FGFR2: variants seen among roughly 807,000 people sequenced by gnomAD.
The protein encoded by FGFR2 is BEK fibroblast growth factor receptor.
FGFR2 carries 19 observed loss-of-function variants against 95.9 expected under a neutral mutation model. The ratio of observed to expected loss-of-function variants is 0.20; its 90% CI spans 0.14 to 0.29. The LOEUF (loss-of-function observed/expected upper bound fraction) is 0.29. Among genes scored for constraint, FGFR2 ranks in the 10% least tolerant of loss-of-function variants. The pLI is 1.00. For synonymous variants in FGFR2, 392 were observed against 393.3 expected (o/e 1.00, Z 0.04); for missense variants, 707 against 1,056.9 (o/e 0.67, Z 4.59).
chr10:121,539,473 A>G (rs1853366951), intron 5 of FGFR2, among the ~76,000 whole-genome samples: 1 of 152,202 alleles, frequency 6.6e-6, no homozygotes, highest in Non-Finnish European at 1.5e-5. Flanking sequence ...AGGTACCATC[A>G]ATACACAAAG....
intron 5 of FGFR2, among the ~76,000 whole-genome samples, chr10:121,550,837 A>G (rs1855287509): frequency 6.6e-6 from 1 of 152,150 alleles, no homozygotes; most frequent in African/African-American, 2.4e-5. Context: ...TTTAATATCA[A>G]ACCCTGACAT....
intron 2 of FGFR2, among the ~76,000 whole-genome samples, chr10:121,591,017 T>A (rs1258578596): frequency 2.6e-5 from 3 of 114,504 alleles, no homozygotes; most frequent in South Asian, 4.5e-4. Flanking sequence ...GCACACTCTC[T>A]CTCTCTCTCT....
intron 2 of FGFR2, among the ~76,000 whole-genome samples, chr10:121,576,144 G>A (rs1564723242): frequency 6.6e-6 from 1 of 152,144 alleles, no homozygotes; most frequent in Non-Finnish European, 1.5e-5. Context: ...CCGAGATCAC[G>A]CCACTGCCCT....
chr10:121,549,983 T>C (rs967099355), intron 5 of FGFR2, among the ~76,000 whole-genome samples: 23 of 152,194 alleles, frequency 1.5e-4, no homozygotes, highest in African/African-American at 5.5e-4. Context: ...AGGTAACTAA[T>C]ATGCCCACTT....
In FGFR2 at chr10:121,517,796, G is replaced by A. The variant is rs1849895317; in HGVS notation, c.940-333C>T. On this transcript the variant is annotated intron_variant, in intron 7 of 17. Transcript: ENST00000358487. The surrounding 1 kb of genome is among the most constrained non-coding windows in gnomAD (Gnocchi z 4.7). ...TTTCCAAAAGTATGGTGCCCAGAAGGCCAAGCTGGTTCTGGTCCTGTTGGC... is the reference window on the plus strand; with the variant it reads ...TTTCCAAAAGTATGGTGCCCAGAAGACCAAGCTGGTTCTGGTCCTGTTGGC... 6.6e-6 allele frequency among the ~76,000 whole-genome samples: 1 copy of A among 151,988 alleles called. No individual in the cohort carries two copies. Among genetic ancestry groups the A allele is most frequent in the African/African-American group, 2.4e-5 (1 of 41,382 alleles).
chr10:121,499,839 G>T (rs1478455177), intron 11 of FGFR2, among the ~76,000 whole-genome samples: 1 of 152,126 alleles, frequency 6.6e-6, no homozygotes, highest in Non-Finnish European at 1.5e-5. Context: ...GTTTTCCTTG[G>T]GAGTCACTCA....
intron 4 of FGFR2, among the ~76,000 whole-genome samples, chr10:121,560,165 A>C (rs2135014132): frequency 6.6e-6 from 1 of 152,262 alleles, no homozygotes; most frequent in South Asian, 2.1e-4. Flanking sequence ...TTGCTTGCTA[A>C]GCCACAATTT....
intron 5 of FGFR2, among the ~76,000 whole-genome samples, chr10:121,539,989 G>C (rs886097228): frequency 6.6e-6 from 1 of 152,212 alleles, no homozygotes; most frequent in Admixed American, 6.5e-5. Context: ...TTTCATGTCA[G>C]CCACTCAGTT....
intron 9 of FGFR2, among the ~76,000 whole-genome samples, chr10:121,504,215 T>C (rs1847974194): frequency 6.6e-6 from 1 of 152,198 alleles, no homozygotes; most frequent in African/African-American, 2.4e-5. Context: ...TTTCTTTCTG[T>C]CCTAATTCCT....
At chr10:121,564,364 G>T in intron 4 of FGFR2, 138 bp downstream of exon 4, 2 of 779,842 alleles carry the variant, frequency 2.6e-6, no homozygotes, top group South Asian at 2.8e-5. Context: ...TGAAAGTCAG[G>T]AAAGTAGACA....
At chr10:121,546,805 C>T (rs1490695965) in intron 5 of FGFR2, among the ~76,000 whole-genome samples, 1 of 152,074 alleles carries the variant, frequency 6.6e-6, no homozygotes, top group African/African-American at 2.4e-5. Context: ...ATGGAATGAA[C>T]AGAATTATAA....
At chr10:121,589,180 A>G (rs1451011276) in intron 2 of FGFR2, among the ~76,000 whole-genome samples, 1 of 152,176 alleles carries the variant, frequency 6.6e-6, no homozygotes, top group African/African-American at 2.4e-5. Context: ...TCAATTTCCC[A>G]TGTTTTCCTT....
intron 2 of FGFR2, among the ~76,000 whole-genome samples, chr10:121,567,583 T>C (rs1857877569): frequency 6.6e-6 from 1 of 152,136 alleles, no homozygotes; most frequent in Admixed American, 6.5e-5. Flanking sequence ...AGACGATAGA[T>C]ACAAAATCTA....
At chr10:121,547,017 G>A (rs1854616004) in intron 5 of FGFR2, among the ~76,000 whole-genome samples, 1 of 152,170 alleles carries the variant, frequency 6.6e-6, no homozygotes, top group Non-Finnish European at 1.5e-5. Flanking sequence ...TTGAGGTCAG[G>A]AGTTCGAGAC....
At position 121,551,350 on chromosome 10, in the gene FGFR2, G is replaced by A. The variant is rs1169633051; in HGVS notation, c.564C>T (p.Thr188=). 3 of 1,614,242 alleles carry A rather than the reference G, an allele frequency of 1.9e-6. No homozygotes were observed. Among genetic ancestry groups the A allele is most frequent in the Non-Finnish European group, 2.5e-6 (3 of 1,180,046 alleles). The change falls in exon 5 of 18, where the codon ACC becomes ACT. Residue 188 remains threonine, a synonymous_variant. Coordinates refer to ENST00000358487, the MANE Select transcript of FGFR2 (RefSeq NM_000141.5). ...CCTTCCCGTTTTTCAGCCACCGCAT[G>A]GTTGGCATTGGGTTCCCCCCGGCTG... is the stretch of plus-strand genomic sequence containing the variant. ...RCPAGGNPMP[T]MRWLKNGKEF...
Position 121,481,827 on chromosome 10 carries a change from C to CTTTTTTTTTTTTTTT in FGFR2, c.2302-1807_2302-1806insAAAAAAAAAAAAAAA, listed in dbSNP as rs1172844728. On this transcript the variant is annotated intron_variant, in intron 17 of 17. Transcript: ENST00000358487. The stretch of plus-strand genomic sequence containing the variant: ...CTTTAGTGCTTTTCCCGGTTTCTTT[C>CTTTTTTTTTTTTTTT]TTTTTTATTTTTATTTTTTTTTTTT... The CTTTTTTTTTTTTTTT allele has an allele frequency of 8.9e-5, 16 of 179,082 alleles. 3 individuals carry two copies. The highest frequency in any genetic ancestry group is 2.6e-4 in the East Asian group (2 of 7,566). 11.1% of individuals were successfully genotyped at this position (179,082 alleles called of 1,614,324 possible). A position where few individuals can be genotyped will look rare whatever the true frequency, so the allele number is the denominator to read the frequency against.
rs2134280045 is a variant in FGFR2 at position 121,518,677 on chromosome 10, G to A, written c.940-1214C>T. 1.1e-5 allele frequency: 18 copies of A among 1,614,162 alleles called. No homozygotes were observed. Among genetic ancestry groups the A allele is most frequent in the Non-Finnish European group, 1.5e-5 (18 of 1,180,024 alleles). ...AAAAAAAGACAAAAATGAAAGCATT[G>A]TTACCTTGCTGTTTTGGCAGGACAG... is the stretch of plus-strand genomic sequence containing the variant. On this transcript the variant is annotated intron_variant, in intron 7 of 17. Coordinates refer to ENST00000358487, the MANE Select transcript of FGFR2 (RefSeq NM_000141.5). This position sits in a 1 kb window ranked among gnomAD's most constrained non-coding sequence, Gnocchi z 4.0.
chr10:121,564,751 T>A (rs1857433202), intron 3 of FGFR2, among the ~76,000 whole-genome samples, 172 bp from the exon 4 acceptor site: 1 of 152,316 alleles, frequency 6.6e-6, no homozygotes, highest in East Asian at 1.9e-4. Context: ...TTTCCCTCCA[T>A]GATGACAGTT....
chr10:121,520,239 T>C (rs1031978879), intron 6 of FGFR2, 70 bp from the exon 7 acceptor site: 44 of 1,475,274 alleles, frequency 3.0e-5, no homozygotes, highest in South Asian at 2.6e-4. Context: ...AGCTGTGTTG[T>C]CCAGAGGGCT....
Sources: allele counts gnomAD v4.1 joint callset (sites outside exome capture counted in the v4.1 genomes callset), GRCh38; gene constraint gnomAD v4.1.1; non-coding constraint Gnocchi (gnomAD v3.1); transcripts MANE v1.5; gene names NCBI Gene and HGNC (gene_info 2026-07-23, HGNC 2026-07-21).